TPCN1: variants seen among roughly 807,000 people sequenced by gnomAD.
TPCN1 encodes two pore segment channel 1, also known as two pore channel protein 1.
In TPCN1, 52 loss-of-function variants were observed where a neutral mutation model predicts 108.8. The observed-to-expected ratio is 0.48, with a 90% CI of 0.38 to 0.60. The LOEUF (loss-of-function observed/expected upper bound fraction) is 0.60, where lower values mean the gene tolerates loss of function less well. TPCN1 is among the 20% of genes least tolerant of loss of function. TPCN1 has a pLI of 0.00. For synonymous variants in TPCN1, 446 were observed against 433.7 expected (o/e 1.03, Z -0.35); for missense variants, 806 against 1,072.8 (o/e 0.75, Z 3.47).
intron 10 of TPCN1, among the ~76,000 whole-genome samples, chr12:113,274,247 G>A (rs1387764881): frequency 1.3e-5 from 2 of 152,158 alleles, no homozygotes; most frequent in Admixed American, 6.5e-5. Context: ...GAAGTCAGGA[G>A]TTCGAGACCA....
chr12:113,234,605 T>G (rs973879576), intron 2 of TPCN1, among the ~76,000 whole-genome samples: 3 of 152,150 alleles, frequency 2.0e-5, no homozygotes, highest in Non-Finnish European at 4.4e-5. Flanking sequence ...TTGGAGATAT[T>G]TATCTCCTTG....
intron 10 of TPCN1, among the ~76,000 whole-genome samples, chr12:113,275,464 G>C (rs1404698453): frequency 6.6e-6 from 1 of 151,932 alleles, no homozygotes; most frequent in Non-Finnish European, 1.5e-5. Flanking sequence ...GGCTGGTCTC[G>C]AACTCCTGAC....
intron 1 of TPCN1, among the ~76,000 whole-genome samples, chr12:113,224,089 A>G (rs1431523707): frequency 6.6e-6 from 1 of 152,222 alleles, no homozygotes; most frequent in African/African-American, 2.4e-5. Context: ...GCAAGTATAT[A>G]TTGATGATTG....
chr12:113,266,370 C>T lies in TPCN1; in HGVS notation c.414+14C>T. ...CTTGGCATCTATGTGAGCGCACATG[C>T]TCCTCATACGGGGGGCTGGGAGCCA... On this transcript the variant is annotated intron_variant, in intron 4 of 27. Coordinates refer to ENST00000335509, the MANE Select transcript of TPCN1 (RefSeq NM_017901.6). This position sits in a 1 kb window ranked among gnomAD's most constrained non-coding sequence, Gnocchi z 4.2. 1 of 1,602,728 alleles carries T rather than the reference C, an allele frequency of 6.2e-7. No homozygotes were observed. The highest frequency in any genetic ancestry group is 8.5e-7 in the Non-Finnish European group (1 of 1,179,302).
chr12:113,289,401 A>G lies in TPCN1; in HGVS notation c.1796+554A>G, dbSNP rs1384042046. ...TTTACAGCCTCAAGCACCGATGAAG[A>G]AACAGTTTTACAAAGACACTGGTAG... On this transcript the variant is annotated intron_variant, in intron 21 of 27. Coordinates refer to ENST00000335509, the MANE Select transcript of TPCN1 (RefSeq NM_017901.6). The surrounding 1 kb of genome is among the most constrained non-coding windows in gnomAD (Gnocchi z 4.1). 6.6e-6 allele frequency among the ~76,000 whole-genome samples: 1 copy of G among 152,204 alleles called. No homozygotes were observed. Among genetic ancestry groups the G allele is most frequent in the Non-Finnish European group, 1.5e-5 (1 of 68,026 alleles).
At chr12:113,234,918 T>C (rs1470632187) in intron 2 of TPCN1, among the ~76,000 whole-genome samples, 1 of 152,242 alleles carries the variant, frequency 6.6e-6, no homozygotes, top group African/African-American at 2.4e-5. Flanking sequence ...ATGTCTTCAA[T>C]GTATAGTGAA....
chr12:113,288,431 G>T lies in TPCN1; in HGVS notation c.1706+197G>T. Reference sequence around the variant, plus strand: ...ACCATTTTTCTCCACTGACCTGTCTGACATATTTAGTAGGGAGGGCAGGGA... The same window carrying T: ...ACCATTTTTCTCCACTGACCTGTCTTACATATTTAGTAGGGAGGGCAGGGA... On this transcript the variant is annotated intron_variant, in intron 20 of 27. Transcript: ENST00000335509. The surrounding 1 kb of genome is among the most constrained non-coding windows in gnomAD (Gnocchi z 4.8). 1 of 1,484,660 alleles carries T rather than the reference G, an allele frequency of 6.7e-7. No individual in the cohort carries two copies. The highest frequency in any genetic ancestry group is 8.9e-7 in the Non-Finnish European group (1 of 1,119,214). The allele number at this position is 1,484,660 out of a possible 1,614,324, so 92.0% of individuals were successfully genotyped here.
Position 113,288,923 on chromosome 12 carries a change from C to T in TPCN1, c.1796+76C>T. On this transcript the variant is annotated intron_variant, in intron 21 of 27. Coordinates refer to ENST00000335509, the MANE Select transcript of TPCN1 (RefSeq NM_017901.6). This position sits in a 1 kb window ranked among gnomAD's most constrained non-coding sequence, Gnocchi z 4.8. ...GCTGGCCAGGGCCAGGATTGGTGTC[C>T]TTGTGGCCTTGGGGTCCTCGGGGAT... The T allele has an allele frequency of 1.4e-6, 2 of 1,466,442 alleles. No individual in the cohort carries two copies. The highest frequency in any genetic ancestry group is 1.9e-6 in the Non-Finnish European group (2 of 1,051,726). The allele number at this position is 1,466,442 out of a possible 1,614,324, so 90.8% of individuals were successfully genotyped here. A position where few individuals can be genotyped will look rare whatever the true frequency, so the allele number is the denominator to read the frequency against.
rs370419017 is a variant in TPCN1, at chr12:113,266,355, A to T, written c.413A>T (p.Tyr138Phe). ...PAVPALRLGIYVHATLELFAL... is the reference protein window; with the variant it reads ...PAVPALRLGIFVHATLELFAL... ...GTCCCCGCACTCCGGCTTGGCATCT[A>T]TGTGAGCGCACATGCTCCTCATACG... The change falls in exon 4 of 28, where the codon TAT becomes TTT. Residue 138 changes from tyrosine to phenylalanine, a missense_variant and splice_region_variant. Tyr to Phe is a conservative substitution (Grantham distance 22). Transcript: ENST00000335509. The surrounding 1 kb of genome is among the most constrained non-coding windows in gnomAD (Gnocchi z 4.2). 10 of 1,605,768 alleles carry T rather than the reference A, an allele frequency of 6.2e-6. No individual in the cohort carries two copies. The highest frequency in any genetic ancestry group is 1.7e-5 in the Admixed American group (1 of 60,006).
Position 113,288,538 on chromosome 12 carries a change from ATC to A in TPCN1, c.1707-216_1707-215del. ...GTCTACCTTCACAGGTAAGGGGTGA[ATC>A]TCTGGGAAAGGGGCATTTGTTCATA... is the stretch of plus-strand genomic sequence containing the variant. On this transcript the variant is annotated intron_variant, in intron 20 of 27. Coordinates refer to ENST00000335509, the MANE Select transcript of TPCN1 (RefSeq NM_017901.6). This position sits in a 1 kb window ranked among gnomAD's most constrained non-coding sequence, Gnocchi z 4.8. The A allele has an allele frequency of 6.8e-7, 1 of 1,478,196 alleles. No homozygotes were observed. Among genetic ancestry groups the A allele is most frequent in the South Asian group, 1.3e-5 (1 of 75,466 alleles). 91.6% of individuals were successfully genotyped at this position (1,478,196 alleles called of 1,614,324 possible). A position where few individuals can be genotyped will look rare whatever the true frequency, so the allele number is the denominator to read the frequency against.
At position 113,268,002 on chromosome 12, in the gene TPCN1, C is replaced by T. The variant is rs369955921; in HGVS notation, c.528+46C>T. The T allele has an allele frequency of 3.3e-4, 439 of 1,313,108 alleles. 1 individual carries two copies. The highest frequency in any genetic ancestry group is 4.4e-4 in the Non-Finnish European group (409 of 922,262). The allele number at this position is 1,313,108 out of a possible 1,614,324, so 81.3% of individuals were successfully genotyped here. On this transcript the variant is annotated intron_variant, in intron 5 of 27. Transcript: ENST00000335509. The surrounding 1 kb of genome is among the most constrained non-coding windows in gnomAD (Gnocchi z 7.3). ...TCCCTCCCCTCACAGCCTTTTCTCCCATGTCACCTTCAAACCTGTCTCTTT... is the reference window on the plus strand; with the variant it reads ...TCCCTCCCCTCACAGCCTTTTCTCCTATGTCACCTTCAAACCTGTCTCTTT...
At position 113,266,217 on chromosome 12, in the gene TPCN1, A is replaced by G. The variant is rs762214116; in HGVS notation, c.275A>G (p.Lys92Arg). Reference sequence around the variant, plus strand: ...AACGACAAGTTCTTCACCCACCCCAAGGATGCCAAGGCGCTGGCGGCCTAC... The same window carrying G: ...AACGACAAGTTCTTCACCCACCCCAGGGATGCCAAGGCGCTGGCGGCCTAC... ...ENNDKFFTHPKDAKALAAYLF... is the reference protein window; with the variant it reads ...ENNDKFFTHPRDAKALAAYLF... Residue 92 changes from lysine (K) to arginine (R), a missense_variant, in exon 4 of 28, where the codon AAG becomes AGG. Physicochemically the swap from Lys to Arg is conservative, Grantham distance 26. Transcript: ENST00000335509. The surrounding 1 kb of genome is among the most constrained non-coding windows in gnomAD (Gnocchi z 4.2). The G allele has an allele frequency of 6.2e-7, 1 of 1,614,024 alleles. No individual in the cohort carries two copies. The highest frequency in any genetic ancestry group is 1.3e-5 in the African/African-American group (1 of 74,906).
chr12:113,228,273 G>A (rs757429905), intron 2 of TPCN1, among the ~76,000 whole-genome samples: 1 of 152,118 alleles, frequency 6.6e-6, no homozygotes, highest in Non-Finnish European at 1.5e-5. Context: ...TACTTCTTCA[G>A]CTGCTCCTCC....
In TPCN1 at chr12:113,286,036, G is replaced by T. The variant is rs1261583285; in HGVS notation, c.1526+75G>T. 4 of 1,314,558 alleles carry T rather than the reference G, an allele frequency of 3.0e-6. No homozygotes were observed. In the African/African-American group the frequency reaches 5.8e-5, roughly 19 times the overall value. 81.4% of individuals were successfully genotyped at this position (1,314,558 alleles called of 1,614,324 possible). On this transcript the variant is annotated intron_variant, in intron 18 of 27. Coordinates refer to ENST00000335509, the MANE Select transcript of TPCN1 (RefSeq NM_017901.6). ...CCCCAGACCCTTCTCTGCACACCCT[G>T]ATCCCGGGCCATTTCTGGAATCGCA...
intron 23 of TPCN1, 94 bp downstream of exon 23, chr12:113,291,092 G>T: frequency 8.2e-7 from 1 of 1,214,192 alleles, no homozygotes; most frequent in Non-Finnish European, 1.2e-6. Flanking sequence ...TCTTCCCGTA[G>T]CTTGCAGGGC....
rs539232027 is a variant in TPCN1, at chr12:113,240,359, A to G, written c.112+13395A>G. On this transcript the variant is annotated intron_variant, in intron 2 of 27. Transcript: ENST00000335509. ...GTGATGGTACCTGCTGGTGTCTACA[A>G]CGGTTGAACATTTTCTGAGTGTCGC... 9.2e-5 allele frequency among the ~76,000 whole-genome samples: 14 copies of G among 152,258 alleles called. No individual in the cohort carries two copies. The South Asian group carries it at 2.9e-3, about 32-fold the overall frequency.
intron 27 of TPCN1, among the ~76,000 whole-genome samples, chr12:113,293,716 T>TG (rs1428754979): frequency 7.9e-5 from 12 of 152,216 alleles, no homozygotes; most frequent in African/African-American, 2.9e-4. Context: ...GGCAAGGATG[T>TG]CCCTGTCCAA....
In TPCN1 at chr12:113,288,367, A is replaced by T. The variant is rs1255211779; in HGVS notation, c.1706+133A>T. On this transcript the variant is annotated intron_variant, in intron 20 of 27. Coordinates refer to ENST00000335509, the MANE Select transcript of TPCN1 (RefSeq NM_017901.6). This position sits in a 1 kb window ranked among gnomAD's most constrained non-coding sequence, Gnocchi z 4.8. ...GCAATCGAGGGCCTGACGGGGCTCC[A>T]AGGAGCCTGGAATCTTGACCACCAC... 12 of 1,513,554 alleles carry T rather than the reference A, an allele frequency of 7.9e-6. No individual in the cohort carries two copies. The South Asian group carries it at 1.4e-4, about 17-fold the overall frequency. The allele number at this position is 1,513,554 out of a possible 1,614,324, so 93.8% of individuals were successfully genotyped here.
intron 7 of TPCN1, among the ~76,000 whole-genome samples, chr12:113,271,165 T>C (rs1442855256): frequency 6.6e-6 from 1 of 152,078 alleles, no homozygotes; most frequent in East Asian, 1.9e-4. Context: ...TGGTCCCTGC[T>C]ACTCAAGAGG....
Sources: gnomAD v4.1 joint callset for allele counts (sites outside exome capture counted in the v4.1 genomes callset) on GRCh38, gnomAD v4.1.1 for gene constraint, Gnocchi (gnomAD v3.1) non-coding constraint, MANE v1.5 for transcripts, NCBI Gene and HGNC (gene_info 2026-07-23, HGNC 2026-07-21) for gene names.